Variants in HMG20A observed in about 807,000 individuals in gnomAD.
HMG20A encodes high mobility group protein 20A.
Under a neutral mutation model 43.9 loss-of-function variants are expected in HMG20A, and 17 were observed. The ratio of observed to expected loss-of-function variants is 0.39; its 90% CI spans 0.27 to 0.58. The LOEUF is 0.58. Among genes scored for constraint, HMG20A ranks in the 20% least tolerant of loss-of-function variants. The pLI is 0.59. For synonymous variants in HMG20A, 132 were observed against 147.5 expected (o/e 0.89, Z 0.76); for missense variants, 341 against 438.2 (o/e 0.78, Z 1.98).
At chr15:77,438,814 C>T (rs1165815607) in intron 1 of HMG20A, among the ~76,000 whole-genome samples, 4 of 151,560 alleles carry the variant, frequency 2.6e-5, no homozygotes, top group Non-Finnish European at 4.4e-5. Flanking sequence ...TTTTTTGAGA[C>T]GGAGTCTCCT....
the HMG20A span, among the ~76,000 whole-genome samples, chr15:77,508,926 C>T: frequency 1.3e-5 from 2 of 152,142 alleles, no homozygotes; most frequent in African/African-American, 4.8e-5. Flanking sequence ...TTCATCTGGC[C>T]CTGCCCAACC....
chr15:77,507,240 G>T, the HMG20A span, among the ~76,000 whole-genome samples: 1 of 151,998 alleles, frequency 6.6e-6, no homozygotes, highest in African/African-American at 2.4e-5. Context: ...AAATCTCTCC[G>T]TGCATCATGT....
At chr15:77,480,397 G>A (rs2072895579) in intron 9 of HMG20A, among the ~76,000 whole-genome samples, 1 of 151,934 alleles carries the variant, frequency 6.6e-6, no homozygotes, top group Non-Finnish European at 1.5e-5. Flanking sequence ...TATTGCCTGA[G>A]CCCAGGAGTT....
In HMG20A at chr15:77,471,016, G is replaced by A. The variant is rs765523806; in HGVS notation, c.557G>A (p.Arg186His). The A allele has an allele frequency of 7.4e-6, 12 of 1,611,554 alleles. No homozygotes were observed. Among genetic ancestry groups the A allele is most frequent in the African/African-American group, 1.3e-5 (1 of 74,682 alleles). The change falls in exon 5 of 10, where the codon CGT becomes CAT. Residue 186 changes from arginine (R) to histidine (H), a missense_variant. Arg to His is a conservative substitution (Grantham distance 29). Coordinates refer to ENST00000336216, the MANE Select transcript of HMG20A (RefSeq NM_001304504.2). ...GTCTTCAGTAGGAAAACCCAGGACCGTCAGAAAGGCAAATCTCATAGGCAA... is the reference window on the plus strand; with the variant it reads ...GTCTTCAGTAGGAAAACCCAGGACCATCAGAAAGGCAAATCTCATAGGCAA... ...YKVFSRKTQD[R>H]QKGKSHRQDA...
chr15:77,472,217 C>T (rs1038157771), intron 6 of HMG20A, among the ~76,000 whole-genome samples: 25 of 152,072 alleles, frequency 1.6e-4, no homozygotes, highest in African/African-American at 6.0e-4. Context: ...GCGAACTGTT[C>T]AACTACAATG....
At chr15:77,468,225 T>A (rs2072773925) in intron 4 of HMG20A, among the ~76,000 whole-genome samples, 1 of 152,210 alleles carries the variant, frequency 6.6e-6, no homozygotes, top group African/African-American at 2.4e-5. Flanking sequence ...CTGTACATAC[T>A]ATGCTATTCT....
chr15:77,492,263 T>C, the HMG20A span, among the ~76,000 whole-genome samples: 1 of 152,220 alleles, frequency 6.6e-6, no homozygotes, highest in African/African-American at 2.4e-5. Flanking sequence ...TAAATAATAT[T>C]TCAACATCTG....
chr15:77,492,566 C>A, the HMG20A span, among the ~76,000 whole-genome samples: 1 of 151,480 alleles, frequency 6.6e-6, no homozygotes, highest in Non-Finnish European at 1.5e-5. Context: ...TATGGTGGCT[C>A]ACACCTTTTG....
chr15:77,464,663 A>AAT, intron 3 of HMG20A: 1 of 294,636 alleles, frequency 3.4e-6, no homozygotes, highest in Non-Finnish European at 6.5e-6. Context: ...GAATGATTTA[A>AAT]TCATTAATAA....
chr15:77,448,922 G>A (rs772269460), intron 1 of HMG20A, among the ~76,000 whole-genome samples: 1 of 152,062 alleles, frequency 6.6e-6, no homozygotes, highest in Non-Finnish European at 1.5e-5. Flanking sequence ...ATGGTGGCAG[G>A]CACCTGTAAT....
At chr15:77,480,200 G>T (rs916035971) in intron 9 of HMG20A, among the ~76,000 whole-genome samples, 4 of 152,154 alleles carry the variant, frequency 2.6e-5, no homozygotes, top group African/African-American at 9.7e-5. Context: ...GCTAAAGTGG[G>T]AGGATCACTT....
chr15:77,473,211 A>C (rs753600495), intron 6 of HMG20A, among the ~76,000 whole-genome samples: 7 of 152,366 alleles, frequency 4.6e-5, no homozygotes, highest in Non-Finnish European at 7.3e-5. Context: ...TAAATCCTAT[A>C]TAAATGTAAT....
At chr15:77,459,636 C>T (rs189552287) in intron 2 of HMG20A, among the ~76,000 whole-genome samples, 129 of 152,210 alleles carry the variant, frequency 8.5e-4, no homozygotes, top group African/African-American at 2.9e-3. Flanking sequence ...GAAGATTATC[C>T]TAGACAGAGG....
At chr15:77,421,405 T>G (rs1177860338) in intron 1 of HMG20A, among the ~76,000 whole-genome samples, 1 of 152,206 alleles carries the variant, frequency 6.6e-6, no homozygotes, top group African/African-American at 2.4e-5. Flanking sequence ...TATGGAGCAT[T>G]TCCTCCCCAG....
At chr15:77,469,522 T>A (rs2072787266) in intron 4 of HMG20A, among the ~76,000 whole-genome samples, 1 of 152,146 alleles carries the variant, frequency 6.6e-6, no homozygotes, top group Admixed American at 6.5e-5. Flanking sequence ...TTTGTAGAGA[T>A]GGGATCTCAC....
intron 1 of HMG20A, among the ~76,000 whole-genome samples, chr15:77,453,414 A>G (rs1201975910): frequency 4.6e-5 from 7 of 152,172 alleles, no homozygotes; most frequent in Admixed American, 2.0e-4. Flanking sequence ...GGCTCTAATA[A>G]AAAAGATAAT....
At chr15:77,421,243 G>T in intron 1 of HMG20A, 1 of 302,848 alleles carries the variant, frequency 3.3e-6, no homozygotes, top group Non-Finnish European at 6.1e-6. Context: ...TTCCAGTGCT[G>T]ATGAGGGCTT....
At chr15:77,509,695 C>T in the HMG20A span, among the ~76,000 whole-genome samples, 1 of 151,182 alleles carries the variant, frequency 6.6e-6, no homozygotes, top group African/African-American at 2.4e-5. Flanking sequence ...CACCTGAGGT[C>T]AGGAGTTTGA....
At chr15:77,487,108 A>G (rs577823306), downstream of HMG20A, among the ~76,000 whole-genome samples, 1 of 152,314 alleles carries the variant, frequency 6.6e-6, no homozygotes, top group African/African-American at 2.4e-5. Context: ...AAAAGAGGGC[A>G]AGGACAAAAT....
Sources: allele counts gnomAD v4.1 joint callset (sites outside exome capture counted in the v4.1 genomes callset), GRCh38; gene constraint gnomAD v4.1.1; transcripts MANE v1.5; gene names NCBI Gene and HGNC (gene_info 2026-07-23, HGNC 2026-07-21).